Variants in TNNI3K observed in about 807,000 individuals in gnomAD.
TNNI3K encodes the protein serine/threonine-protein kinase TNNI3K.
In TNNI3K, 140 loss-of-function variants were observed where a neutral mutation model predicts 114.5. The observed-to-expected ratio is 1.22, with a 90% CI of 1.07 to 1.41. TNNI3K has a LOEUF of 1.41. Ranked by LOEUF, TNNI3K falls within the 40% of genes most tolerant of loss-of-function variation. The pLI is 0.00. For synonymous variants in TNNI3K, 347 were observed against 347.5 expected, an observed-to-expected ratio of 1.00 and a Z score of 0.02; for missense variants, 1,125 against 1,007.6, an observed-to-expected ratio of 1.12 and a Z score of -1.58.
chr1:74,532,433 A>T (rs1646600452), intron 23 of TNNI3K, among the ~76,000 whole-genome samples: 1 of 151,336 alleles, frequency 6.6e-6, no homozygotes, highest in African/African-American at 2.4e-5. Flanking sequence ...ACTGAACAAT[A>T]GTTTGACACG....
intron 4 of TNNI3K, among the ~76,000 whole-genome samples, chr1:74,263,999 A>G (rs1457228305): frequency 6.6e-6 from 1 of 151,856 alleles, no homozygotes; most frequent in Non-Finnish European, 1.5e-5. Context: ...ATTAAATGAG[A>G]GATGATTTAA....
At chr1:74,393,957 TCTC>T (rs774390845) in intron 17 of TNNI3K, among the ~76,000 whole-genome samples, 7 of 152,128 alleles carry the variant, frequency 4.6e-5, no homozygotes, top group Non-Finnish European at 5.9e-5. Flanking sequence ...TTGCCACTCA[TCTC>T]CTGCTGTGCA....
chr1:74,480,224 A>C (rs1276879357), intron 21 of TNNI3K: 4 of 717,428 alleles, frequency 5.6e-6, no homozygotes, highest in African/African-American at 3.5e-5. Flanking sequence ...CTTTAGAACC[A>C]GAGTGAAGTT....
At position 74,296,149 on chromosome 1, in the gene TNNI3K, G is replaced by A. The variant is rs528701654; in HGVS notation, c.444+24441G>A. 3.7e-3 allele frequency among the ~76,000 whole-genome samples: 569 copies of A among 152,028 alleles called. 4 individuals are homozygous for A. The highest frequency in any genetic ancestry group is 0.013 in the African/African-American group (545 of 41,444). ...AAATTAGCCGGGCGAGGCGGCGGGC[G>A]CCTGTAGTCCCAGCTACTCTGGAGG... is the stretch of plus-strand genomic sequence containing the variant. On this transcript the variant is annotated intron_variant, in intron 5 of 24. Coordinates refer to ENST00000326637, the MANE Select transcript of TNNI3K (RefSeq NM_015978.3).
At chr1:74,410,019 C>T (rs777318396) in intron 17 of TNNI3K, among the ~76,000 whole-genome samples, 29 of 151,888 alleles carry the variant, frequency 1.9e-4, no homozygotes, top group Non-Finnish European at 4.0e-4. Context: ...TGATCTCTGC[C>T]AAATATGCTA....
At chr1:74,332,363 C>T (rs987879148) in intron 6 of TNNI3K, among the ~76,000 whole-genome samples, 2 of 150,910 alleles carry the variant, frequency 1.3e-5, no homozygotes, top group African/African-American at 2.4e-5. Context: ...TGCAGTGGCT[C>T]GATCTCGGCT....
chr1:74,393,321 A>G (rs1480561710), intron 17 of TNNI3K, among the ~76,000 whole-genome samples: 1 of 152,184 alleles, frequency 6.6e-6, no homozygotes, highest in African/African-American at 2.4e-5. Context: ...TAAGAAACAA[A>G]TTATTCTCAA....
rs373523561 is a variant in TNNI3K, at chr1:74,436,479, A to G, written c.1831A>G (p.Arg611Gly). 2 of 1,578,868 alleles carry G rather than the reference A, an allele frequency of 1.3e-6. No homozygotes were observed. Among genetic ancestry groups the G allele is most frequent in the East Asian group, 4.5e-5 (2 of 44,094 alleles). The part of the protein sequence containing the change: ...HAVVADFGES[R>G]FLQSLDEDNM... The stretch of plus-strand genomic sequence containing the variant: ...TTATTTTCTCTTTCCCTCAGAATCA[A>G]GATTTCTACAGTCTCTGGATGAAGA... The change falls in exon 19 of 25, where the codon AGA (arginine) becomes GGA (glycine). Residue 611 changes from arginine (R) to glycine (G), a missense_variant. Coordinates refer to ENST00000326637, the MANE Select transcript of TNNI3K (RefSeq NM_015978.3).
At chr1:74,241,829 T>C (rs535213000) in intron 2 of TNNI3K, among the ~76,000 whole-genome samples, 82 of 150,846 alleles carry the variant, frequency 5.4e-4, no homozygotes, top group African/African-American at 2.0e-3. Context: ...GCTTTTGGTG[T>C]TTTAGACATG....
chr1:74,266,766 G>T (rs1557461627), intron 4 of TNNI3K, among the ~76,000 whole-genome samples: 1 of 151,904 alleles, frequency 6.6e-6, no homozygotes, highest in Non-Finnish European at 1.5e-5. Context: ...TAACAATAAG[G>T]CAGGATATTA....
rs1669939850 is a variant in TNNI3K at position 74,507,030 on chromosome 1, A to G, written c.2351+14764A>G. On this transcript the variant is annotated intron_variant, in intron 23 of 24. Transcript: ENST00000326637. ...ATTGACAAGGTTCATTAAACTAAAGAAAATATATTGAAAGGAATGTTGAAC... is the reference window on the plus strand; with the variant it reads ...ATTGACAAGGTTCATTAAACTAAAGGAAATATATTGAAAGGAATGTTGAAC... Among the ~76,000 whole-genome samples, 4 of 152,334 alleles carry G rather than the reference A, an allele frequency of 2.6e-5. No homozygotes were observed. The South Asian group carries it at 8.3e-4, about 32-fold the overall frequency.
chr1:74,490,865 T>C (rs1669034025), intron 22 of TNNI3K, among the ~76,000 whole-genome samples: 1 of 152,154 alleles, frequency 6.6e-6, no homozygotes, highest in South Asian at 2.1e-4. Context: ...TACATATAAA[T>C]ATAATGTCCT....
At position 74,326,455 on chromosome 1, in the gene TNNI3K, A is replaced by G. The variant is rs190856600; in HGVS notation, c.445-4995A>G. Among the ~76,000 whole-genome samples, 29 of 152,300 alleles carry G rather than the reference A, an allele frequency of 1.9e-4. 1 individual carries two copies. Among genetic ancestry groups the G allele is most frequent in the Admixed American group, 1.8e-3 (27 of 15,292 alleles). On this transcript the variant is annotated intron_variant, in intron 5 of 24. Transcript: ENST00000326637. The stretch of plus-strand genomic sequence containing the variant: ...AATAACAGTGAGGCCCTTTGTTATT[A>G]TAGGCATTACTTTTGGAATTTCTGA...
At chr1:74,367,193 A>G in intron 11 of TNNI3K, 63 bp from the exon 12 acceptor site, 1 of 1,558,672 alleles carries the variant, frequency 6.4e-7, no homozygotes, top group African/African-American at 1.4e-5. Context: ...TTTGGATTTG[A>G]GAGTAGACTG....
chr1:74,451,694 T>TTC (rs58585385), intron 20 of TNNI3K, among the ~76,000 whole-genome samples: 5 of 56,286 alleles, frequency 8.9e-5, no homozygotes, highest in African/African-American at 2.3e-4. Context: ...TTTCTTTCTT[T>TTC]CTTTCTTTCT....
chr1:74,364,157 G>A (rs1662134511), intron 11 of TNNI3K, among the ~76,000 whole-genome samples: 1 of 150,726 alleles, frequency 6.6e-6, no homozygotes, highest in African/African-American at 2.5e-5. Context: ...ATGCTACCAT[G>A]CCCCACTAAT....
chr1:74,353,249 A>C lies in TNNI3K; in HGVS notation c.933-17A>C. On this transcript the variant is annotated splice_polypyrimidine_tract_variant and intron_variant, in intron 9 of 24. Transcript: ENST00000326637. ...AAGGACCTTCTATCTTTCTTGTTTTATGGTTTTTTTTTTCAGTGCTTGTAC... is the reference window on the plus strand; with the variant it reads ...AAGGACCTTCTATCTTTCTTGTTTTCTGGTTTTTTTTTTCAGTGCTTGTAC... The C allele has an allele frequency of 6.2e-7, 1 of 1,604,136 alleles. No homozygotes were observed.
At chr1:74,456,287 A>G (rs1259844192) in intron 20 of TNNI3K, among the ~76,000 whole-genome samples, 1 of 152,174 alleles carries the variant, frequency 6.6e-6, no homozygotes, top group Non-Finnish European at 1.5e-5. Context: ...AACCATCATG[A>G]TAATGATGGA....
rs189692233 is a variant in TNNI3K at position 74,262,947 on chromosome 1, T to A, written c.334-8651T>A. 1.1e-4 allele frequency among the ~76,000 whole-genome samples: 16 copies of A among 152,222 alleles called. No homozygotes were observed. The East Asian group carries it at 3.1e-3, about 29-fold the overall frequency. ...ACTATGCTGTGTATGCTACTGTATA[T>A]TATTACTTAGTTAAATCTTTATATC... On this transcript the variant is annotated intron_variant, in intron 4 of 24. Coordinates refer to ENST00000326637, the MANE Select transcript of TNNI3K (RefSeq NM_015978.3).
Sources: allele counts gnomAD v4.1 joint callset (sites outside exome capture counted in the v4.1 genomes callset), GRCh38; gene constraint gnomAD v4.1.1; transcripts MANE v1.5; gene names NCBI Gene and HGNC (gene_info 2026-07-23, HGNC 2026-07-21).